Variants in EYA2 observed in about 807,000 individuals in gnomAD.
EYA2 encodes the protein EYA transcriptional coactivator and phosphatase 2.
EYA2 carries 31 observed loss-of-function variants against 69.2 expected under a neutral mutation model. The observed-to-expected ratio is 0.45, with a 90% CI of 0.34 to 0.60. The LOEUF is 0.60. Among genes scored for constraint, EYA2 ranks in the 20% least tolerant of loss-of-function variants. The probability of loss-of-function intolerance (pLI) is 0.02; values close to 1 mark genes in which losing one functional copy is unlikely to be tolerated. For synonymous variants in EYA2, 257 were observed against 279.4 expected, an observed-to-expected ratio of 0.92 and a Z score of 0.80; for missense variants, 622 against 701.2, an observed-to-expected ratio of 0.89 and a Z score of 1.28.
chr20:47,108,257 GGAGT>G (rs567797808), intron 9 of EYA2, among the ~76,000 whole-genome samples: 40 of 152,340 alleles, frequency 2.6e-4, no homozygotes, highest in African/African-American at 8.2e-4. Flanking sequence ...CATTCTTGCA[GGAGT>G]GAGTGAGTTC....
intron 1 of EYA2, among the ~76,000 whole-genome samples, chr20:46,940,159 A>G (rs930620504): frequency 1.3e-5 from 2 of 152,242 alleles, no homozygotes; most frequent in Non-Finnish European, 2.9e-5. Flanking sequence ...ATTTAAAAAC[A>G]TAAGCAGATG....
At chr20:47,173,564 C>A (rs1331153916) in intron 12 of EYA2, among the ~76,000 whole-genome samples, 1 of 142,806 alleles carries the variant, frequency 7.0e-6, no homozygotes, top group Non-Finnish European at 1.5e-5. Context: ...TCCTGGGCAA[C>A]TGACTCAGAA....
intron 4 of EYA2, among the ~76,000 whole-genome samples, chr20:47,010,099 A>C (rs987427247): frequency 1.8e-4 from 27 of 152,228 alleles, no homozygotes; most frequent in African/African-American, 6.3e-4. Flanking sequence ...TGCTGCAATC[A>C]GCATCTTTGT....
intron 1 of EYA2, among the ~76,000 whole-genome samples, chr20:46,918,184 G>A (rs982974621): frequency 6.6e-6 from 1 of 151,834 alleles, no homozygotes; most frequent in African/African-American, 2.4e-5. Flanking sequence ...AGCCGGGCGT[G>A]GTGGCAGGTG....
intron 12 of EYA2, among the ~76,000 whole-genome samples, chr20:47,173,680 C>G (rs778269652): frequency 6.6e-6 from 1 of 152,172 alleles, no homozygotes; most frequent in Non-Finnish European, 1.5e-5. Flanking sequence ...ACCTCAGCCT[C>G]CCAAGTAGCT....
intron 1 of EYA2, among the ~76,000 whole-genome samples, chr20:46,919,817 A>G (rs6124892): frequency 0.12 from 17,534 of 152,214 alleles, 1,482 homozygotes; most frequent in East Asian, 0.48. Flanking sequence ...TGCCTTCCTC[A>G]CTAAGCTTAA....
intron 1 of EYA2, among the ~76,000 whole-genome samples, chr20:46,917,542 G>C (rs1342607302): frequency 1.3e-5 from 2 of 152,236 alleles, no homozygotes; most frequent in Non-Finnish European, 2.9e-5. Flanking sequence ...GATGTGAAGA[G>C]TTTCATAAAG....
chr20:46,934,574 G>T (rs190754063), intron 1 of EYA2, among the ~76,000 whole-genome samples: 1 of 152,172 alleles, frequency 6.6e-6, no homozygotes, highest in Non-Finnish European at 1.5e-5. Flanking sequence ...AGGGTGAAGC[G>T]GGAGAGGCTC....
At chr20:47,007,095 A>C (rs1013382544) in intron 4 of EYA2, among the ~76,000 whole-genome samples, 2 of 151,474 alleles carry the variant, frequency 1.3e-5, no homozygotes, top group Non-Finnish European at 2.9e-5. Flanking sequence ...GCGCCCTGCT[A>C]ATTTTTTGTA....
At chr20:47,018,250 C>T (rs1983526969) in intron 5 of EYA2, among the ~76,000 whole-genome samples, 1 of 152,190 alleles carries the variant, frequency 6.6e-6, no homozygotes, top group Non-Finnish European at 1.5e-5. Context: ...CATTTTGACA[C>T]CCCCTCAGCC....
chr20:46,942,955 G>C (rs1011416456), intron 1 of EYA2, among the ~76,000 whole-genome samples: 1 of 152,146 alleles, frequency 6.6e-6, no homozygotes, highest in South Asian at 2.1e-4. Flanking sequence ...TAGTAGAGAC[G>C]GAGTTTCACC....
intron 6 of EYA2, among the ~76,000 whole-genome samples, chr20:47,073,785 A>C (rs1191879046): frequency 1.3e-5 from 2 of 152,000 alleles, no homozygotes; most frequent in African/African-American, 4.8e-5. Context: ...AAAGACCAAC[A>C]AGTTGATGTA....
At chr20:46,975,802 CT>C (rs1980425090) in intron 1 of EYA2, among the ~76,000 whole-genome samples, 1 of 152,232 alleles carries the variant, frequency 6.6e-6, no homozygotes, top group African/African-American at 2.4e-5. Context: ...GTAATCCCAG[CT>C]ACTCGGGAGG....
intron 10 of EYA2, among the ~76,000 whole-genome samples, chr20:47,166,413 A>T (rs1474775063): frequency 0.015 from 2,100 of 142,764 alleles, 139 homozygotes; most frequent in African/African-American, 0.053. Context: ...AAAAAAAAAA[A>T]AAAAAAAAAA....
chr20:47,120,322 G>A (rs1000099330), intron 9 of EYA2, among the ~76,000 whole-genome samples: 1 of 152,188 alleles, frequency 6.6e-6, no homozygotes, highest in Non-Finnish European at 1.5e-5. Flanking sequence ...GCTGTGGTGA[G>A]CTATGATCGC....
At chr20:47,067,445 A>G (rs2031155356) in intron 5 of EYA2, among the ~76,000 whole-genome samples, 1 of 152,202 alleles carries the variant, frequency 6.6e-6, no homozygotes. Context: ...CTGGAAGAGT[A>G]TAATTGGATT....
intron 1 of EYA2, among the ~76,000 whole-genome samples, chr20:46,960,241 A>G (rs989576311): frequency 1.3e-5 from 2 of 152,166 alleles, no homozygotes; most frequent in Admixed American, 6.5e-5. Flanking sequence ...ATGGACACGG[A>G]CACTATTATT....
chr20:47,045,112 G>C (rs182074100), intron 5 of EYA2, among the ~76,000 whole-genome samples: 1 of 152,126 alleles, frequency 6.6e-6, no homozygotes, highest in Admixed American at 6.5e-5. Context: ...ATCATTTCTC[G>C]TAATGTCTTG....
chr20:47,164,529 C>T (rs1389139033), intron 10 of EYA2, among the ~76,000 whole-genome samples: 1 of 152,192 alleles, frequency 6.6e-6, no homozygotes, highest in Non-Finnish European at 1.5e-5. Context: ...TGGGGGCTAT[C>T]TGCTGTTTCC....
Sources: allele counts gnomAD v4.1 joint callset (sites outside exome capture counted in the v4.1 genomes callset), GRCh38; gene constraint gnomAD v4.1.1; transcripts MANE v1.5; gene names NCBI Gene and HGNC (gene_info 2026-07-23, HGNC 2026-07-21).